MRPS28: variants seen among roughly 807,000 people sequenced by gnomAD.
MRPS28 encodes small ribosomal subunit protein bS1m.
MRPS28 carries 7 observed loss-of-function variants against 10.8 expected under a neutral mutation model. That is an observed-to-expected ratio of 0.65 (90% CI 0.37 to 1.22). The LOEUF (loss-of-function observed/expected upper bound fraction) is 1.22, where lower values mean the gene tolerates loss of function less well. Among genes scored for constraint, MRPS28 ranks in the 50% most tolerant of loss-of-function variants. The pLI is 0.02. For missense variants in MRPS28, 265 were observed against 232.9 expected (o/e 1.14, Z -0.90); for synonymous variants, 121 against 93.3 (o/e 1.30, Z -1.71).
intron 1 of MRPS28, among the ~76,000 whole-genome samples, chr8:80,010,548 A>T (rs1228885913): frequency 6.6e-6 from 1 of 152,224 alleles, no homozygotes; most frequent in Non-Finnish European, 1.5e-5. Context: ...CTGCAATTCA[A>T]GTCCCCATGT....
rs757703877 is a variant in MRPS28, at chr8:79,919,095, G to GTT, written c.448_449insAA (p.Thr150LysfsTer15). 6.2e-7 allele frequency: 1 copy of GTT among 1,609,522 alleles called. No homozygotes were observed. The highest frequency in any genetic ancestry group is 1.1e-5 in the South Asian group (1 of 90,142). On this transcript the variant is annotated frameshift_variant, in exon 3 of 3. Transcript: ENST00000276585. LOFTEE classifies it high-confidence loss of function. ...TGTTGTTGCTCCCAGGAACCTAGAC[G>GTT]TAAGTTCAAGATCTAATAGCCGCAA... is the stretch of plus-strand genomic sequence containing the variant.
intron 2 of MRPS28, among the ~76,000 whole-genome samples, chr8:79,951,186 T>C (rs1807070352): frequency 1.3e-5 from 2 of 152,170 alleles, no homozygotes; most frequent in African/African-American, 4.8e-5. Flanking sequence ...AGTTTGTAAG[T>C]GAAGTAGGAC....
intron 2 of MRPS28, among the ~76,000 whole-genome samples, chr8:79,954,903 G>A (rs773719287): frequency 1.2e-3 from 182 of 152,088 alleles, no homozygotes; most frequent in Non-Finnish European, 2.0e-3. Flanking sequence ...GGGAGGCTGA[G>A]GCAGGAGAAT....
intron 2 of MRPS28, among the ~76,000 whole-genome samples, chr8:80,002,393 T>A (rs1047558812): frequency 6.6e-6 from 1 of 152,166 alleles, no homozygotes; most frequent in Admixed American, 6.5e-5. Flanking sequence ...ACATTAGAAA[T>A]TGATGGGGAA....
At chr8:79,919,199 A>T (rs777519138) in intron 2 of MRPS28, 51 bp from the exon 3 acceptor site, 46 of 1,395,154 alleles carry the variant, frequency 3.3e-5, no homozygotes, top group Non-Finnish European at 4.4e-5. Context: ...TCATAACATG[A>T]ACAACTAGTT....
At chr8:80,005,227 A>G (rs1431341349) in intron 1 of MRPS28, among the ~76,000 whole-genome samples, 4 of 152,190 alleles carry the variant, frequency 2.6e-5, no homozygotes, top group Non-Finnish European at 4.4e-5. Context: ...TGTTAAGGGC[A>G]GCCAGAGAGA....
At chr8:79,920,227 T>C (rs1810051133) in intron 2 of MRPS28, among the ~76,000 whole-genome samples, 2 of 152,166 alleles carry the variant, frequency 1.3e-5, no homozygotes, top group Non-Finnish European at 2.9e-5. Context: ...TCTTTGCTAT[T>C]GCGAATGGTA....
intron 2 of MRPS28, among the ~76,000 whole-genome samples, chr8:79,929,312 C>A (rs1046118188): frequency 6.6e-6 from 1 of 152,170 alleles, no homozygotes; most frequent in African/African-American, 2.4e-5. Context: ...AGTATATATT[C>A]TATTCTCTAA....
intron 2 of MRPS28, among the ~76,000 whole-genome samples, chr8:79,977,641 A>G (rs1340064596): frequency 6.6e-6 from 1 of 152,116 alleles, no homozygotes; most frequent in African/African-American, 2.4e-5. Context: ...ACATGGCGAA[A>G]TCCCATCTCT....
Position 79,970,260 on chromosome 8 carries a change from T to C in MRPS28, c.395+32739A>G, listed in dbSNP as rs539574281. ...GGATACCTAAAGGTTAATGGGTATATTGGGGGAAATCTGTGAACTCCTTAA... is the reference window on the plus strand; with the variant it reads ...GGATACCTAAAGGTTAATGGGTATACTGGGGGAAATCTGTGAACTCCTTAA... On this transcript the variant is annotated intron_variant, in intron 2 of 2. Transcript: ENST00000276585. 1.4e-4 allele frequency among the ~76,000 whole-genome samples: 21 copies of C among 152,300 alleles called. No individual in the cohort carries two copies. The South Asian group carries it at 3.3e-3, about 24-fold the overall frequency.
rs1283743171 is a variant in MRPS28, at chr8:79,918,883, A to G, written c.*97T>C. 2.0e-6 allele frequency: 2 copies of G among 1,013,802 alleles called. No individual in the cohort carries two copies. Among genetic ancestry groups the G allele is most frequent in the Non-Finnish European group, 2.7e-6 (2 of 739,058 alleles). 62.8% of individuals were successfully genotyped at this position (1,013,802 alleles called of 1,614,324 possible). A position where few individuals can be genotyped will look rare whatever the true frequency, so the allele number is the denominator to read the frequency against. On this transcript the variant is annotated 3_prime_UTR_variant, in exon 3 of 3. Coordinates refer to ENST00000276585, the MANE Select transcript of MRPS28 (RefSeq NM_014018.3). ...TCTATAATTATAGCTTTTATTTATT[A>G]TATCTTCATTCAATCATTTATTCAC...
At chr8:79,932,598 A>G (rs1441813558) in intron 2 of MRPS28, among the ~76,000 whole-genome samples, 1 of 152,158 alleles carries the variant, frequency 6.6e-6, no homozygotes, top group Non-Finnish European at 1.5e-5. Flanking sequence ...TGGAAAGCCT[A>G]TGGAGGGGAA....
chr8:80,001,218 T>C (rs1205447104), intron 2 of MRPS28, among the ~76,000 whole-genome samples: 1 of 152,202 alleles, frequency 6.6e-6, no homozygotes, highest in Non-Finnish European at 1.5e-5. Context: ...CCATGGTAGA[T>C]GATCAATTGT....
intron 1 of MRPS28, among the ~76,000 whole-genome samples, chr8:80,011,572 G>A (rs191072969): frequency 4.0e-4 from 61 of 151,996 alleles, no homozygotes; most frequent in African/African-American, 1.3e-3. Context: ...TGGCCAACAC[G>A]GTGAAACCCT....
chr8:80,018,196 G>C (rs1413783854), intron 1 of MRPS28, among the ~76,000 whole-genome samples: 1 of 151,432 alleles, frequency 6.6e-6, no homozygotes, highest in Non-Finnish European at 1.5e-5. Flanking sequence ...GGGAGGCTGA[G>C]GCGGGAGAAT....
chr8:79,984,334 A>G (rs1189401729), intron 2 of MRPS28, among the ~76,000 whole-genome samples: 1 of 152,268 alleles, frequency 6.6e-6, no homozygotes, highest in East Asian at 1.9e-4. Context: ...CAAATTGTAA[A>G]GACCATCGAG....
intron 2 of MRPS28, among the ~76,000 whole-genome samples, chr8:79,954,555 T>C (rs1302285653): frequency 1.3e-5 from 2 of 152,170 alleles, no homozygotes; most frequent in Admixed American, 6.5e-5. Context: ...ACCTTCCTTT[T>C]CCATCAAATA....
chr8:79,960,580 G>A (rs1807350278), intron 2 of MRPS28, among the ~76,000 whole-genome samples: 1 of 152,084 alleles, frequency 6.6e-6, no homozygotes, highest in Non-Finnish European at 1.5e-5. Flanking sequence ...TGTAAAGAAA[G>A]AGAAGCTCAA....
intron 2 of MRPS28, 136 bp downstream of exon 2, chr8:80,002,863 A>G (rs571694196): frequency 2.8e-6 from 2 of 723,162 alleles, no homozygotes; most frequent in South Asian, 5.3e-5. Context: ...AGCACTTCAG[A>G]CTTTACTGCA....
Sources: gnomAD v4.1 joint callset for allele counts (sites outside exome capture counted in the v4.1 genomes callset) on GRCh38, gnomAD v4.1.1 for gene constraint, MANE v1.5 for transcripts, NCBI Gene and HGNC (gene_info 2026-07-23, HGNC 2026-07-21) for gene names.